Variants in DAB1 observed in about 807,000 individuals in gnomAD.
DAB1 encodes disabled homolog 1.
A neutral mutation model predicts 64.6 loss-of-function variants in DAB1; 15 were observed. That is an observed-to-expected ratio of 0.23 (90% CI 0.16 to 0.36). The LOEUF is 0.36. Ranked by LOEUF, DAB1 falls within the 10% of genes least tolerant of loss-of-function variation. The probability of loss-of-function intolerance (pLI) is 1.00; values close to 1 mark genes in which losing one functional copy is unlikely to be tolerated. For synonymous variants in DAB1, 235 were observed against 251.9 expected (o/e 0.93, Z 0.64); for missense variants, 596 against 706.7 (o/e 0.84, Z 1.78).
At position 57,262,838 on chromosome 1, in the gene DAB1, T is replaced by C. The variant is rs188071622; in HGVS notation, c.67+28126A>G. ...TGGAAGCATTCTCCAATGCTGAAAA[T>C]ATGGGCCCCGTGCCCTAAGGGTACT... On this transcript the variant is annotated intron_variant, in intron 2 of 14. Transcript: ENST00000371236. Among the ~76,000 whole-genome samples the C allele has an allele frequency of 2.1e-3, 326 of 152,246 alleles. 3 individuals carry two copies. The highest frequency in any genetic ancestry group is 7.3e-3 in the African/African-American group (303 of 41,546).
At chr1:58,213,660 G>C (rs185757553) in intron 4 of DAB1, among the ~76,000 whole-genome samples, 69 of 152,212 alleles carry the variant, frequency 4.5e-4, no homozygotes, top group African/African-American at 1.6e-3. Flanking sequence ...TACAATTCAA[G>C]GTGAGATTTG....
chr1:58,208,994 G>A (rs1658419112), intron 4 of DAB1, among the ~76,000 whole-genome samples: 1 of 152,172 alleles, frequency 6.6e-6, no homozygotes, highest in South Asian at 2.1e-4. Context: ...GCCATTCAAG[G>A]AAGGCTTCCT....
Position 57,360,198 on chromosome 1 carries a change from G to A in DAB1, c.-137+63732C>T, listed in dbSNP as rs188054087. Among the ~76,000 whole-genome samples the A allele has an allele frequency of 9.0e-4, 137 of 151,746 alleles. 3 individuals carry two copies. The South Asian group carries it at 0.017, about 19-fold the overall frequency. On this transcript the variant is annotated intron_variant, in intron 1 of 14. Coordinates refer to ENST00000371236, the MANE Select transcript of DAB1 (RefSeq NM_001365792.1). ...AACATGCAGTACGTGATTAAAATAC[G>A]CAATGTTAGCTGTCAATTTTAAACT... is the stretch of plus-strand genomic sequence containing the variant.
chr1:58,406,675 G>A (rs984729685), intron 3 of DAB1, among the ~76,000 whole-genome samples: 3 of 151,350 alleles, frequency 2.0e-5, no homozygotes, highest in African/African-American at 7.3e-5. Context: ...CTCTGACTCT[G>A]CTCCAAGATA....
chr1:57,764,002 C>T (rs1378314726), intron 6 of DAB1, among the ~76,000 whole-genome samples: 1 of 152,152 alleles, frequency 6.6e-6, no homozygotes, highest in African/African-American at 2.4e-5. Flanking sequence ...AGGTAAGTTG[C>T]AAAGACTATC....
At chr1:57,089,508 CG>C (rs1653430933) in intron 4 of DAB1, among the ~76,000 whole-genome samples, 1 of 151,330 alleles carries the variant, frequency 6.6e-6, no homozygotes, top group Admixed American at 6.6e-5. Flanking sequence ...TTACTCATGG[CG>C]GAAGGTGAAG....
intron 7 of DAB1, among the ~76,000 whole-genome samples, chr1:57,638,584 T>C (rs936324491): frequency 3.9e-5 from 6 of 152,148 alleles, no homozygotes; most frequent in Admixed American, 3.3e-4. Flanking sequence ...AAGAGAAAGG[T>C]CTAATGCTCA....
At chr1:58,318,912 T>C (rs1343721482) in intron 4 of DAB1, among the ~76,000 whole-genome samples, 7 of 152,160 alleles carry the variant, frequency 4.6e-5, no homozygotes, top group African/African-American at 1.7e-4. Context: ...CTTTCCATGG[T>C]GATAACATTG....
At chr1:58,526,729 T>A (rs1036253816) in intron 2 of DAB1, among the ~76,000 whole-genome samples, 4 of 151,986 alleles carry the variant, frequency 2.6e-5, no homozygotes, top group African/African-American at 9.7e-5. Context: ...GATCAACCTA[T>A]CTTCAAGTGG....
intron 2 of DAB1, among the ~76,000 whole-genome samples, chr1:57,150,790 C>G (rs61765331): frequency 6.6e-6 from 1 of 152,096 alleles, no homozygotes; most frequent in African/African-American, 2.4e-5. Context: ...ATTTGGAGAA[C>G]AGTGAGTAGT....
intron 5 of DAB1, among the ~76,000 whole-genome samples, chr1:58,126,897 T>G (rs1398541998): frequency 6.9e-6 from 1 of 145,464 alleles, no homozygotes; most frequent in Non-Finnish European, 1.5e-5. Context: ...TTTGCTATTG[T>G]GAATAATGCC....
chr1:57,131,182 A>G (rs909582565), intron 4 of DAB1, among the ~76,000 whole-genome samples: 1 of 152,224 alleles, frequency 6.6e-6, no homozygotes, highest in Admixed American at 6.5e-5. Context: ...AAATAAGCTT[A>G]GGTATTATAG....
At chr1:57,153,088 T>C (rs1035953271) in intron 2 of DAB1, among the ~76,000 whole-genome samples, 1 of 152,332 alleles carries the variant, frequency 6.6e-6, no homozygotes, top group South Asian at 2.1e-4. Context: ...TGCAGTGGTA[T>C]GATCTTAGCT....
intron 7 of DAB1, among the ~76,000 whole-genome samples, chr1:57,512,666 C>T (rs929302221): frequency 6.6e-6 from 1 of 152,224 alleles, no homozygotes; most frequent in Non-Finnish European, 1.5e-5. Context: ...ATCTTGGAAA[C>T]TGTTTTGCTT....
At chr1:58,075,231 G>T (rs1035351377) in intron 5 of DAB1, among the ~76,000 whole-genome samples, 1 of 152,184 alleles carries the variant, frequency 6.6e-6, no homozygotes, top group Non-Finnish European at 1.5e-5. Context: ...AAGGTGGATT[G>T]AGAAGAAAAG....
At chr1:57,734,305 C>T (rs1227012494) in intron 6 of DAB1, among the ~76,000 whole-genome samples, 3 of 152,172 alleles carry the variant, frequency 2.0e-5, no homozygotes, top group East Asian at 1.9e-4. Context: ...CCTTCCCCAG[C>T]CCCAATTCAT....
At chr1:58,242,512 T>C (rs746307957) in intron 4 of DAB1, among the ~76,000 whole-genome samples, 1 of 152,132 alleles carries the variant, frequency 6.6e-6, no homozygotes, top group Non-Finnish European at 1.5e-5. Flanking sequence ...TAGTTATACA[T>C]CTAAAGAGAT....
chr1:58,462,122 T>G (rs1001356386), intron 3 of DAB1, among the ~76,000 whole-genome samples: 1 of 145,342 alleles, frequency 6.9e-6, no homozygotes, highest in Non-Finnish European at 1.5e-5. Context: ...TCTTTTTTTT[T>G]TTTTTTTTTT....
intron 7 of DAB1, among the ~76,000 whole-genome samples, chr1:57,541,784 A>C (rs1160917300): frequency 6.6e-6 from 1 of 152,206 alleles, no homozygotes; most frequent in Non-Finnish European, 1.5e-5. Context: ...AGATATTCCT[A>C]ACAACCATAG....
Sources: allele counts gnomAD v4.1 joint callset (sites outside exome capture counted in the v4.1 genomes callset), GRCh38; gene constraint gnomAD v4.1.1; transcripts MANE v1.5; gene names NCBI Gene and HGNC (gene_info 2026-07-23, HGNC 2026-07-21).